RPL10A: variants seen among roughly 807,000 people sequenced by gnomAD.
RPL10A encodes ribosomal protein L10a, also known as large ribosomal subunit protein uL1.
In RPL10A, 11 loss-of-function variants were observed where a neutral mutation model predicts 24.6. The ratio of observed to expected loss-of-function variants is 0.45; its 90% CI spans 0.28 to 0.74. RPL10A has a LOEUF of 0.74. Ranked by LOEUF, RPL10A falls within the 30% of genes least tolerant of loss-of-function variation. RPL10A has a pLI of 0.13. For missense variants in RPL10A, 136 were observed against 273.1 expected (o/e 0.50, Z 3.54); for synonymous variants, 98 against 108.5 (o/e 0.90, Z 0.60).
Position 35,468,799 on chromosome 6 carries a change from C to A in RPL10A, c.6C>A (p.Ser2Arg). 1 of 1,597,248 alleles carries A rather than the reference C, an allele frequency of 6.3e-7. No homozygotes were observed. Among genetic ancestry groups the A allele is most frequent in the South Asian group, 1.1e-5 (1 of 88,718 alleles). Residue 2 changes from serine (S) to arginine (R), a missense_variant and splice_region_variant, in exon 2 of 6, where the codon AGC (serine) becomes AGA (arginine). Around this residue, in one of 3 missense-constraint regions of RPL10A, gnomAD observed 88 missense variants for 149.2 expected, o/e 0.59. Coordinates refer to ENST00000322203, the MANE Select transcript of RPL10A (RefSeq NM_007104.5). ...GCGCCCTGTCGCTTCTCTCCCGCAG[C>A]AGCAAAGTCTCTCGCGACACCCTGT... MSSKVSRDTLYE... is the reference protein window; with the variant it reads MRSKVSRDTLYE...
intron 3 of RPL10A, 93 bp downstream of exon 3, chr6:35,469,120 T>TA: frequency 6.4e-7 from 1 of 1,567,232 alleles, no homozygotes; most frequent in Admixed American, 1.8e-5. Context: ...GGCACGTCGG[T>TA]ACTGATGTGC....
intron 1 of RPL10A, 86 bp downstream of exon 1, chr6:35,468,525 G>A (rs887241753): frequency 1.2e-6 from 2 of 1,610,472 alleles, no homozygotes; most frequent in African/African-American, 1.3e-5. Flanking sequence ...GCCGCGCCGC[G>A]GACCCTTGCG....
chr6:35,470,426 C>G lies in RPL10A; in HGVS notation c.483+75C>G. 6.6e-7 allele frequency: 1 copy of G among 1,526,556 alleles called. No homozygotes were observed. The highest frequency in any genetic ancestry group is 8.9e-7 in the Non-Finnish European group (1 of 1,126,392). The allele number at this position is 1,526,556 out of a possible 1,614,324, so 94.6% of individuals were successfully genotyped here. ...AATCTTATCCAAGTCTCTAAATATGCCAGTAAGAGCACCCACCAGGATTGA... is the reference window on the plus strand; with the variant it reads ...AATCTTATCCAAGTCTCTAAATATGGCAGTAAGAGCACCCACCAGGATTGA... On this transcript the variant is annotated intron_variant, in intron 5 of 5. Transcript: ENST00000322203. This position sits in a 1 kb window ranked among gnomAD's most constrained non-coding sequence, Gnocchi z 4.6.
chr6:35,469,381 G>C lies in RPL10A; in HGVS notation c.162G>C (p.Arg54Ser), dbSNP rs1767975044. 6.2e-7 allele frequency: 1 copy of C among 1,605,592 alleles called. No individual in the cohort carries two copies. Among genetic ancestry groups the C allele is most frequent in the African/African-American group, 1.3e-5 (1 of 74,404 alleles). Residue 54 changes from arginine (R) to serine (S), a missense_variant and splice_region_variant, in exon 4 of 6, where the codon AGG becomes AGC. Transcript: ENST00000322203. ...GTTGGTGCTGTCCCCCAAAACGCAG[G>C]CTTAAGTCCACTCCCCGCCCTAAGT... ...QKDKRFSGTV[R>S]LKSTPRPKFS...
intron 1 of RPL10A, 147 bp from the exon 2 acceptor site, chr6:35,468,652 C>G (rs11758353): frequency 0.01 from 15,448 of 1,514,292 alleles, 219 homozygotes; most frequent in East Asian, 0.066. Context: ...GGTCTGAGCT[C>G]CCGTCGCTCT....
In RPL10A at chr6:35,468,447, G is replaced by A. The variant is rs1367965287; in HGVS notation, c.5+8G>A. On this transcript the variant is annotated splice_region_variant and intron_variant, in intron 1 of 5. Coordinates refer to ENST00000322203, the MANE Select transcript of RPL10A (RefSeq NM_007104.5). ...GGCGTGAGAAGCCATGAGGTGAGTTGGTCCTGAAAGCCCTATCCGCGTTCA... is the reference window on the plus strand; with the variant it reads ...GGCGTGAGAAGCCATGAGGTGAGTTAGTCCTGAAAGCCCTATCCGCGTTCA... 1.2e-6 allele frequency: 2 copies of A among 1,613,910 alleles called. No homozygotes were observed. The highest frequency in any genetic ancestry group is 1.1e-5 in the South Asian group (1 of 91,088).
At position 35,469,676 on chromosome 6, in the gene RPL10A, T is replaced by G. The variant is rs139064372; in HGVS notation, c.310+147T>G. On this transcript the variant is annotated intron_variant, in intron 4 of 5. Transcript: ENST00000322203. ...TGCCTAGCTTGCCTGAGTGCTGTTT[T>G]AGCTTTGGGGTGGTTTGATGTTTGT... The G allele has an allele frequency of 8.5e-3, 8,027 of 941,868 alleles. 87 individuals are homozygous for G. The highest frequency in any genetic ancestry group is 0.048 in the Middle Eastern group (170 of 3,570). The allele number at this position is 941,868 out of a possible 1,614,324, so 58.3% of individuals were successfully genotyped here. A position where few individuals can be genotyped will look rare whatever the true frequency, so the allele number is the denominator to read the frequency against.
intron 4 of RPL10A, 69 bp downstream of exon 4, chr6:35,469,598 T>A: frequency 6.6e-7 from 1 of 1,506,948 alleles, no homozygotes; most frequent in Non-Finnish European, 8.9e-7. Flanking sequence ...TTTTCTGCCA[T>A]TTTCGATTTT....
chr6:35,468,488 G>T (rs551421325), intron 1 of RPL10A, 49 bp downstream of exon 1: 3 of 1,611,762 alleles, frequency 1.9e-6, no homozygotes, highest in African/African-American at 2.7e-5. Context: ...GCCTTCAGGT[G>T]CCCCGCCGAG....
At position 35,468,848 on chromosome 6, in the gene RPL10A, C is replaced by T. The variant is rs1169368475; in HGVS notation, c.55C>T (p.His19Tyr). ...GTACGAGGCGGTGCGGGAAGTCCTG[C>T]ACGGGAACCAGCGCAAGCGCCGCAA... The part of the protein sequence containing the change: ...TLYEAVREVL[H>Y]GNQRKRRKFL... Residue 19 changes from histidine to tyrosine, a missense_variant, in exon 2 of 6, where the codon CAC becomes TAC. Coordinates refer to ENST00000322203, the MANE Select transcript of RPL10A (RefSeq NM_007104.5). 3 of 1,612,050 alleles carry T rather than the reference C, an allele frequency of 1.9e-6. No individual in the cohort carries two copies. The African/African-American group carries it at 4.0e-5, about 22-fold the overall frequency.
intron 3 of RPL10A, 78 bp from the exon 4 acceptor site, chr6:35,469,303 C>T: frequency 6.6e-7 from 1 of 1,512,224 alleles, no homozygotes; most frequent in East Asian, 2.3e-5. Flanking sequence ...TCGGTGGCTG[C>T]TGCGGTCCCA....
At position 35,470,369 on chromosome 6, in the gene RPL10A, G is replaced by T; in HGVS notation, c.483+18G>T. The T allele has an allele frequency of 6.3e-7, 1 of 1,596,620 alleles. No homozygotes were observed. Among genetic ancestry groups the T allele is most frequent in the Non-Finnish European group, 8.5e-7 (1 of 1,175,696 alleles). On this transcript the variant is annotated intron_variant, in intron 5 of 5. Transcript: ENST00000322203. This position sits in a 1 kb window ranked among gnomAD's most constrained non-coding sequence, Gnocchi z 4.6. Reference sequence around the variant, plus strand: ...TGAAGAAGGTGAGTGGGTCTGGCGGGTTGCTATGGGTGAAGGTGTTGGCAG... The same window carrying T: ...TGAAGAAGGTGAGTGGGTCTGGCGGTTTGCTATGGGTGAAGGTGTTGGCAG...
chr6:35,469,096 C>G (rs1344273392), intron 3 of RPL10A, 69 bp downstream of exon 3: 5 of 1,593,196 alleles, frequency 3.1e-6, no homozygotes, highest in Non-Finnish European at 4.3e-6. Flanking sequence ...CAGGCTCCCG[C>G]TGAGCCGGAG....
intron 4 of RPL10A, among the ~76,000 whole-genome samples, chr6:35,469,783 A>C (rs1375062587): frequency 7.4e-6 from 1 of 135,656 alleles, no homozygotes; most frequent in Non-Finnish European, 1.6e-5. Flanking sequence ...ATGATTTGGA[A>C]ATCTTTACGC....
rs1298785758 is a variant in RPL10A at position 35,470,368 on chromosome 6, G to A, written c.483+17G>A. On this transcript the variant is annotated intron_variant, in intron 5 of 5. Transcript: ENST00000322203. This position sits in a 1 kb window ranked among gnomAD's most constrained non-coding sequence, Gnocchi z 4.6. Reference sequence around the variant, plus strand: ...ATGAAGAAGGTGAGTGGGTCTGGCGGGTTGCTATGGGTGAAGGTGTTGGCA... The same window carrying A: ...ATGAAGAAGGTGAGTGGGTCTGGCGAGTTGCTATGGGTGAAGGTGTTGGCA... 1 of 1,596,576 alleles carries A rather than the reference G, an allele frequency of 6.3e-7. No individual in the cohort carries two copies. Among genetic ancestry groups the A allele is most frequent in the Non-Finnish European group, 8.5e-7 (1 of 1,175,698 alleles).
chr6:35,469,366 T>G lies in RPL10A; in HGVS notation c.162-15T>G, dbSNP rs1268644992. 1 of 1,591,920 alleles carries G rather than the reference T, an allele frequency of 6.3e-7. No individual in the cohort carries two copies. Among genetic ancestry groups the G allele is most frequent in the South Asian group, 1.1e-5 (1 of 87,958 alleles). The stretch of plus-strand genomic sequence containing the variant: ...GGCTAGGCGTAACCTGTTGGTGCTG[T>G]CCCCCAAAACGCAGGCTTAAGTCCA... On this transcript the variant is annotated splice_polypyrimidine_tract_variant and intron_variant, in intron 3 of 5. Transcript: ENST00000322203.
Position 35,468,620 on chromosome 6 carries a change from C to T in RPL10A, c.6-179C>T, listed in dbSNP as rs1476366296. 9 of 1,528,556 alleles carry T rather than the reference C, an allele frequency of 5.9e-6. No homozygotes were observed. In the East Asian group the frequency reaches 2.0e-4, roughly 33 times the overall value. 94.7% of individuals were successfully genotyped at this position (1,528,556 alleles called of 1,614,324 possible). The stretch of plus-strand genomic sequence containing the variant: ...AGGTCCGATCACTGAGAGCCTCCCT[C>T]TTCCACCGGGGCTTGGGTCTGGGTC... On this transcript the variant is annotated intron_variant, in intron 1 of 5. Transcript: ENST00000322203.
chr6:35,468,696 G>A (rs934267808), intron 1 of RPL10A, 103 bp from the exon 2 acceptor site: 3 of 1,531,730 alleles, frequency 2.0e-6, no homozygotes, highest in Non-Finnish European at 2.6e-6. Context: ...GGAGTCCGCC[G>A]TGGGCCGCCC....
chr6:35,468,469 T>G (rs774256285), intron 1 of RPL10A, 30 bp downstream of exon 1: 1 of 1,613,850 alleles, frequency 6.2e-7, no homozygotes, highest in Admixed American at 1.7e-5. Context: ...CCTATCCGCG[T>G]TCATCCGCGC....
Sources: gnomAD v4.1 joint callset for allele counts (sites outside exome capture counted in the v4.1 genomes callset) on GRCh38, gnomAD v4.1.1 for gene constraint, gnomAD v4.1.1 regional missense constraint, Gnocchi (gnomAD v3.1) non-coding constraint, MANE v1.5 for transcripts, NCBI Gene and HGNC (gene_info 2026-07-23, HGNC 2026-07-21) for gene names.